SAV1: variants seen among roughly 807,000 people sequenced by gnomAD.
SAV1 encodes salvador family WW domain containing protein 1.
SAV1 carries 23 observed loss-of-function variants against 47.3 expected under a neutral mutation model. That is an observed-to-expected ratio of 0.49 (90% CI 0.35 to 0.69). The LOEUF (loss-of-function observed/expected upper bound fraction) is 0.69, where lower values mean the gene tolerates loss of function less well. Among genes scored for constraint, SAV1 ranks in the 30% least tolerant of loss-of-function variants. The pLI is 0.01. For synonymous variants in SAV1, 155 were observed against 159.2 expected, an observed-to-expected ratio of 0.97 and a Z score of 0.20; for missense variants, 448 against 457.4, an observed-to-expected ratio of 0.98 and a Z score of 0.19.
At chr14:50,663,206 T>TA (rs1428909379) in intron 2 of SAV1, 1 of 152,084 alleles carries the variant, frequency 6.6e-6, no homozygotes, top group Admixed American at 6.5e-5. Context: ...CACATCCATG[T>TA]AAAAAAAGAA....
intron 2 of SAV1, among the ~76,000 whole-genome samples, chr14:50,652,504 C>A (rs2140257124): frequency 6.6e-6 from 1 of 152,194 alleles, no homozygotes; most frequent in South Asian, 2.1e-4. Context: ...ACAATATGAG[C>A]CTGGAACATC....
At position 50,649,435 on chromosome 14, in the gene SAV1, TA is replaced by T. The variant is rs567969657; in HGVS notation, c.536-4422del. Among the ~76,000 whole-genome samples, 130 of 152,332 alleles carry T rather than the reference TA, an allele frequency of 8.5e-4. 4 individuals are homozygous for T. The South Asian group carries it at 0.011, about 13-fold the overall frequency. Reference sequence around the variant, plus strand: ...TAAGTGTTAAATAAATAAGCTGCAGTAATAAAGACAGTGTAGTATTAGTGGA... The same window carrying T: ...TAAGTGTTAAATAAATAAGCTGCAGTATAAAGACAGTGTAGTATTAGTGGA... On this transcript the variant is annotated intron_variant, in intron 2 of 4. Transcript: ENST00000324679.
chr14:50,646,456 T>G (rs1167670446), intron 2 of SAV1, among the ~76,000 whole-genome samples: 1 of 152,078 alleles, frequency 6.6e-6, no homozygotes, highest in Non-Finnish European at 1.5e-5. Context: ...GAGGCCAAGG[T>G]GAGCGGATCA....
intron 4 of SAV1, among the ~76,000 whole-genome samples, chr14:50,639,359 G>A (rs914278777): frequency 4.7e-5 from 3 of 64,200 alleles, no homozygotes; most frequent in Non-Finnish European, 9.0e-5. Context: ...TTTTTGTTGT[G>A]ATAATTGATT....
chr14:50,644,176 G>C (rs533669568), intron 3 of SAV1, among the ~76,000 whole-genome samples: 2 of 151,756 alleles, frequency 1.3e-5, no homozygotes, highest in South Asian at 4.2e-4. Context: ...GGCAGCACAG[G>C]GCTAAAAGTC....
intron 2 of SAV1, among the ~76,000 whole-genome samples, chr14:50,648,174 G>A (rs2039737830): frequency 6.6e-6 from 1 of 152,182 alleles, no homozygotes; most frequent in African/African-American, 2.4e-5. Context: ...ATCATGCTGA[G>A]GGAAAGCAGC....
At chr14:50,644,606 G>T in intron 3 of SAV1, 138 bp downstream of exon 3, 1 of 785,502 alleles carries the variant, frequency 1.3e-6, no homozygotes, top group Non-Finnish European at 1.9e-6. Flanking sequence ...TATGTCCAGA[G>T]AAAAATGTAA....
intron 2 of SAV1, among the ~76,000 whole-genome samples, chr14:50,659,023 T>C (rs1173568042): frequency 1.3e-5 from 2 of 152,046 alleles, no homozygotes; most frequent in Non-Finnish European, 2.9e-5. Context: ...ATTAATCTTA[T>C]CAAATGAAGT....
intron 1 of SAV1, among the ~76,000 whole-genome samples, chr14:50,666,112 G>T (rs578098389): frequency 4.9e-4 from 74 of 152,208 alleles, no homozygotes; most frequent in Non-Finnish European, 1.0e-3. Context: ...TGTAAAAGTG[G>T]ATTCCTTTAA....
intron 3 of SAV1, among the ~76,000 whole-genome samples, chr14:50,644,037 C>T (rs2039701175): frequency 6.6e-6 from 1 of 152,168 alleles, no homozygotes; most frequent in East Asian, 1.9e-4. Context: ...ATATTTGCAA[C>T]TTCATTACTA....
chr14:50,650,976 C>T (rs894156335), intron 2 of SAV1, among the ~76,000 whole-genome samples: 6 of 151,606 alleles, frequency 4.0e-5, no homozygotes, highest in African/African-American at 7.3e-5. Context: ...GAGCCGAGAG[C>T]GCGCCACTGC....
At chr14:50,655,267 C>T (rs909195037) in intron 2 of SAV1, among the ~76,000 whole-genome samples, 2 of 152,066 alleles carry the variant, frequency 1.3e-5, no homozygotes, top group African/African-American at 4.8e-5. Context: ...CAGCCAAAAC[C>T]AAGCATAACA....
intron 2 of SAV1, among the ~76,000 whole-genome samples, chr14:50,661,065 G>GT (rs2039855969): frequency 6.6e-6 from 1 of 152,070 alleles, no homozygotes; most frequent in South Asian, 2.1e-4. Flanking sequence ...CCTAATTATT[G>GT]TAACATTCCC....
rs987948147 is a variant in SAV1, at chr14:50,650,607, T to C, written c.536-5593A>G. On this transcript the variant is annotated intron_variant, in intron 2 of 4. Transcript: ENST00000324679. ...TTCTGCCTTGGTCAAGTGTACTTGCTCTCTCATCACTCACCCTGGGGGAAA... is the reference window on the plus strand; with the variant it reads ...TTCTGCCTTGGTCAAGTGTACTTGCCCTCTCATCACTCACCCTGGGGGAAA... Among the ~76,000 whole-genome samples the C allele has an allele frequency of 1.2e-4, 19 of 152,298 alleles. 1 individual carries two copies. The highest frequency in any genetic ancestry group is 1.2e-3 in the Admixed American group (18 of 15,300).
At chr14:50,641,019 G>A (rs4075253) in intron 3 of SAV1, 126 bp from the exon 4 acceptor site, 410,111 of 730,274 alleles carry the variant, frequency 0.56, 117,679 homozygotes, top group East Asian at 0.71. Flanking sequence ...TACACCACCT[G>A]AAAGGTAATG....
intron 2 of SAV1, among the ~76,000 whole-genome samples, chr14:50,662,082 T>C (rs2039864686): frequency 6.6e-6 from 1 of 152,230 alleles, no homozygotes; most frequent in Non-Finnish European, 1.5e-5. Context: ...TGTTAATTCT[T>C]CTGACCCATG....
At chr14:50,647,048 CA>C (rs1254583450) in intron 2 of SAV1, among the ~76,000 whole-genome samples, 2 of 151,882 alleles carry the variant, frequency 1.3e-5, no homozygotes, top group African/African-American at 2.4e-5. Flanking sequence ...CATCCATATG[CA>C]AAAAACCTAA....
intron 2 of SAV1, among the ~76,000 whole-genome samples, chr14:50,654,136 G>T (rs1876093944): frequency 6.6e-6 from 1 of 152,124 alleles, no homozygotes; most frequent in Non-Finnish European, 1.5e-5. Context: ...AATGAAGTTT[G>T]CTCCATCAAT....
intron 4 of SAV1, among the ~76,000 whole-genome samples, chr14:50,639,917 T>C (rs757377920): frequency 3.3e-5 from 5 of 152,150 alleles, no homozygotes; most frequent in Non-Finnish European, 7.4e-5. Context: ...GGTCAGGTGG[T>C]ATCAAGGGAC....
Sources: allele counts gnomAD v4.1 joint callset (sites outside exome capture counted in the v4.1 genomes callset), GRCh38; gene constraint gnomAD v4.1.1; transcripts MANE v1.5; gene names NCBI Gene and HGNC (gene_info 2026-07-23, HGNC 2026-07-21).